The following IMMP2L variants were observed in gnomAD, a reference collection of about 807,000 sequenced individuals.
The protein encoded by IMMP2L is inner mitochondrial membrane peptidase subunit 2.
In IMMP2L, 18 loss-of-function variants were observed where a neutral mutation model predicts 19.3. That is an observed-to-expected ratio of 0.93 (90% CI 0.64 to 1.38). The LOEUF (loss-of-function observed/expected upper bound fraction) is 1.38, where lower values mean the gene tolerates loss of function less well. Ranked by LOEUF, IMMP2L falls within the 40% of genes most tolerant of loss-of-function variation. The pLI, the probability that IMMP2L is intolerant of heterozygous loss-of-function variation, is 0.00. For synonymous variants in IMMP2L, 76 were observed against 73.0 expected (o/e 1.04, Z -0.21); for missense variants, 233 against 218.2 (o/e 1.07, Z -0.43).
chr7:111,324,230 G>A (rs1205566106), intron 3 of IMMP2L, among the ~76,000 whole-genome samples: 1 of 151,772 alleles, frequency 6.6e-6, no homozygotes, highest in South Asian at 2.1e-4. Flanking sequence ...GGGAGATTAG[G>A]GTGAAAGCCC....
At chr7:111,072,934 A>ATGACATC (rs1795086371) in intron 3 of IMMP2L, among the ~76,000 whole-genome samples, 1 of 151,844 alleles carries the variant, frequency 6.6e-6, no homozygotes, top group South Asian at 2.1e-4. Context: ...CTAAAGAGAC[A>ATGACATC]TGACATCTGA....
intron 5 of IMMP2L, among the ~76,000 whole-genome samples, chr7:110,821,813 C>T (rs2131336858): frequency 6.6e-6 from 1 of 152,118 alleles, no homozygotes; most frequent in South Asian, 2.1e-4. Flanking sequence ...ATCCCAGCTA[C>T]TTGGAAGGCT....
At chr7:110,792,851 C>T (rs1046452574) in intron 5 of IMMP2L, among the ~76,000 whole-genome samples, 10 of 152,012 alleles carry the variant, frequency 6.6e-5, no homozygotes, top group Non-Finnish European at 1.5e-4. Flanking sequence ...CTAGTCATCT[C>T]CCCCTCCCCC....
chr7:111,040,612 T>C (rs2129570813), intron 3 of IMMP2L, among the ~76,000 whole-genome samples: 1 of 150,658 alleles, frequency 6.6e-6, no homozygotes, highest in African/African-American at 2.4e-5. Flanking sequence ...TACAGCAGCA[T>C]ATCCTAACTT....
At chr7:111,147,028 CT>C (rs1757180619) in intron 3 of IMMP2L, among the ~76,000 whole-genome samples, 1 of 152,104 alleles carries the variant, frequency 6.6e-6, no homozygotes, top group Admixed American at 6.6e-5. Context: ...TAGTTTTCTA[CT>C]TTCACATTCA....
At chr7:111,133,651 A>C (rs1802054404) in intron 3 of IMMP2L, among the ~76,000 whole-genome samples, 1 of 152,044 alleles carries the variant, frequency 6.6e-6, no homozygotes, top group Non-Finnish European at 1.5e-5. Context: ...ATTAATTTAT[A>C]AGGGTACAAA....
At chr7:111,497,965 T>G (rs1843750581) in intron 2 of IMMP2L, among the ~76,000 whole-genome samples, 1 of 151,958 alleles carries the variant, frequency 6.6e-6, no homozygotes, top group African/African-American at 2.4e-5. Context: ...TTCCACATTT[T>G]TCTATGTTTT....
chr7:110,735,390 C>T (rs1452084715), intron 5 of IMMP2L, among the ~76,000 whole-genome samples: 1 of 152,064 alleles, frequency 6.6e-6, no homozygotes, highest in African/African-American at 2.4e-5. Context: ...CTCTTAACCT[C>T]ATTCTTTGTG....
In IMMP2L at chr7:111,344,199, C is replaced by T. The variant is rs557588128; in HGVS notation, c.239+143039G>A. ...TACCATCCTATTAATGATCTGATTTCTACTGACCTCTCCAAACATACCTCC... is the reference window on the plus strand; with the variant it reads ...TACCATCCTATTAATGATCTGATTTTTACTGACCTCTCCAAACATACCTCC... On this transcript the variant is annotated intron_variant, in intron 3 of 5. Coordinates refer to ENST00000405709, the MANE Select transcript of IMMP2L (RefSeq NM_032549.4). Among the ~76,000 whole-genome samples, 102 of 152,220 alleles carry T rather than the reference C, an allele frequency of 6.7e-4. 1 individual carries two copies. The highest frequency in any genetic ancestry group is 1.3e-3 in the Non-Finnish European group (87 of 68,004).
At chr7:110,923,985 T>C (rs1178321479) in intron 4 of IMMP2L, among the ~76,000 whole-genome samples, 1 of 152,180 alleles carries the variant, frequency 6.6e-6, no homozygotes, top group Non-Finnish European at 1.5e-5. Flanking sequence ...AAAGCCTTCC[T>C]CCTTCCTTGG....
chr7:111,435,884 C>A (rs541921378), intron 3 of IMMP2L, among the ~76,000 whole-genome samples: 2 of 151,770 alleles, frequency 1.3e-5, no homozygotes, highest in East Asian at 3.9e-4. Flanking sequence ...TGCAGTGGGC[C>A]CCATTCATCA....
chr7:110,996,581 T>C (rs1318294338), intron 3 of IMMP2L, among the ~76,000 whole-genome samples: 4 of 152,116 alleles, frequency 2.6e-5, no homozygotes, highest in Non-Finnish European at 5.9e-5. Context: ...AGGGACCATA[T>C]GAAAGAGAAC....
chr7:111,125,146 A>G lies in IMMP2L; in HGVS notation c.240-161581T>C, dbSNP rs969423602. 8 of 380,608 alleles carry G rather than the reference A, an allele frequency of 2.1e-5. No individual in the cohort carries two copies. In the Admixed American group the frequency reaches 3.0e-4, roughly 14 times the overall value. The allele number at this position is 380,608 out of a possible 1,614,324, so 23.6% of individuals were successfully genotyped here. On this transcript the variant is annotated intron_variant, in intron 3 of 5. Coordinates refer to ENST00000405709, the MANE Select transcript of IMMP2L (RefSeq NM_032549.4). ...AAATAAAATAACTCCATTTTCTAAA[A>G]CTTTCATGTAACTTTTATGTCTGGA...
intron 2 of IMMP2L, among the ~76,000 whole-genome samples, chr7:111,502,741 A>G (rs1375708032): frequency 6.6e-6 from 1 of 151,544 alleles, no homozygotes; most frequent in East Asian, 1.9e-4. Context: ...AACGAAATGA[A>G]GGCAGAAATA....
intron 3 of IMMP2L, among the ~76,000 whole-genome samples, chr7:111,389,035 C>T (rs1242168227): frequency 1.3e-5 from 2 of 152,190 alleles, no homozygotes; most frequent in East Asian, 3.9e-4. Flanking sequence ...CCTTAGCATC[C>T]ACTAAAAGAA....
chr7:110,689,031 G>A (rs1335837402), intron 5 of IMMP2L, among the ~76,000 whole-genome samples: 2 of 149,690 alleles, frequency 1.3e-5, no homozygotes, highest in African/African-American at 2.6e-5. Flanking sequence ...GTGTTGTCCT[G>A]CAACCAACAA....
chr7:111,435,078 T>C (rs182178414), intron 3 of IMMP2L, among the ~76,000 whole-genome samples: 2 of 151,876 alleles, frequency 1.3e-5, no homozygotes, highest in African/African-American at 4.9e-5. Flanking sequence ...TTATAAACTA[T>C]TGGTAAAAAT....
chr7:111,081,478 AAG>A (rs1795885624), intron 3 of IMMP2L, among the ~76,000 whole-genome samples: 1 of 152,202 alleles, frequency 6.6e-6, no homozygotes, highest in Non-Finnish European at 1.5e-5. Flanking sequence ...TGGTCTTCCA[AAG>A]AGAGACTTGA....
At chr7:110,746,252 G>A (rs902826897) in intron 5 of IMMP2L, among the ~76,000 whole-genome samples, 2 of 152,046 alleles carry the variant, frequency 1.3e-5, no homozygotes, top group South Asian at 2.1e-4. Context: ...CCAGATTCAT[G>A]AAGCAAGTTC....
Sources: allele counts gnomAD v4.1 joint callset (sites outside exome capture counted in the v4.1 genomes callset), GRCh38; gene constraint gnomAD v4.1.1; transcripts MANE v1.5; gene names NCBI Gene and HGNC (gene_info 2026-07-23, HGNC 2026-07-21).